GLP2R: variants seen among roughly 807,000 people sequenced by gnomAD.
The protein encoded by GLP2R is glucagon-like peptide 2 receptor.
A neutral mutation model predicts 68.2 loss-of-function variants in GLP2R; 59 were observed. The ratio of observed to expected loss-of-function variants is 0.87; its 90% CI spans 0.70 to 1.07. GLP2R has a LOEUF of 1.07. GLP2R is among the 50% of genes least tolerant of loss of function. The probability of loss-of-function intolerance (pLI) is 0.00; values close to 1 mark genes in which losing one functional copy is unlikely to be tolerated. For synonymous variants in GLP2R, 270 were observed against 265.4 expected, an observed-to-expected ratio of 1.02 and a Z score of -0.17; for missense variants, 548 against 677.4, an observed-to-expected ratio of 0.81 and a Z score of 2.12.
rs2152030245 is a variant in GLP2R, at chr17:9,833,803, T to C, written c.190-4T>C. ...TGGGGGTGACCATGTTTTTGTTTGCTCAGGTTACAGGATCCCTCCTTGAGG... is the reference window on the plus strand; with the variant it reads ...TGGGGGTGACCATGTTTTTGTTTGCCCAGGTTACAGGATCCCTCCTTGAGG... On this transcript the variant is annotated splice_polypyrimidine_tract_variant and splice_region_variant and intron_variant, in intron 1 of 12. Transcript: ENST00000262441. The C allele has an allele frequency of 6.3e-7, 1 of 1,598,120 alleles. No homozygotes were observed. Among genetic ancestry groups the C allele is most frequent in the Non-Finnish European group, 8.6e-7 (1 of 1,168,254 alleles).
chr17:9,885,731 T>C (rs553597681), intron 11 of GLP2R, among the ~76,000 whole-genome samples: 2 of 139,044 alleles, frequency 1.4e-5, no homozygotes, highest in African/African-American at 5.3e-5. Flanking sequence ...TTTTACGACA[T>C]TGTATCAGTA....
At chr17:9,878,812 C>T (rs555003552) in intron 10 of GLP2R, among the ~76,000 whole-genome samples, 1 of 152,176 alleles carries the variant, frequency 6.6e-6, no homozygotes, top group Non-Finnish European at 1.5e-5. Flanking sequence ...CAGAGTTAAA[C>T]CTTCCTTAAG....
At position 9,842,562 on chromosome 17, in the gene GLP2R, G is replaced by T. The variant is rs772562182; in HGVS notation, c.450G>T (p.Thr150=). 3.7e-6 allele frequency: 6 copies of T among 1,613,882 alleles called. No homozygotes were observed. Among genetic ancestry groups the T allele is most frequent in the Non-Finnish European group, 5.1e-6 (6 of 1,179,974 alleles). Residue 150 remains threonine (T), a synonymous_variant, in exon 4 of 13, where the codon ACG becomes ACT. Coordinates refer to ENST00000262441, the MANE Select transcript of GLP2R (RefSeq NM_004246.3). ...QGTWQTIENA[T]DIWQDDSECS... ...CTTGGCAGACGATAGAGAACGCCAC[G>T]GATATTTGGCAGGATGACTCCGAAT...
intron 2 of GLP2R, among the ~76,000 whole-genome samples, chr17:9,835,601 C>T (rs765360678): frequency 5.3e-5 from 8 of 152,016 alleles, no homozygotes; most frequent in South Asian, 2.1e-4. Flanking sequence ...CTCCGTATTC[C>T]GCTGGTCGTT....
chr17:9,826,111 A>T lies in GLP2R; in HGVS notation c.48A>T (p.Gly16=), dbSNP rs2066624514. The T allele has an allele frequency of 6.2e-7, 1 of 1,612,214 alleles. No homozygotes were observed. Among genetic ancestry groups the T allele is most frequent in the Admixed American group, 1.7e-5 (1 of 59,786 alleles). The change falls in exon 1 of 13, where the codon GGA becomes GGT. Residue 16 remains glycine, a synonymous_variant. Coordinates refer to ENST00000262441, the MANE Select transcript of GLP2R (RefSeq NM_004246.3). The part of the protein sequence containing the change: ...SRAGPGRGSA[G]LLPGVHELPM... Reference sequence around the variant, plus strand: ...CAGGGCCTGGGAGAGGAAGCGCGGGACTCCTGCCTGGCGTCCACGAGCTGC... The same window carrying T: ...CAGGGCCTGGGAGAGGAAGCGCGGGTCTCCTGCCTGGCGTCCACGAGCTGC...
At chr17:9,865,320 G>T (rs57450717) in intron 9 of GLP2R, among the ~76,000 whole-genome samples, 1,820 of 151,886 alleles carry the variant, frequency 0.012, 30 homozygotes, top group African/African-American at 0.038. Flanking sequence ...GATTTTGTGT[G>T]TGTGTGTGTG....
At chr17:9,854,363 A>T in intron 4 of GLP2R, 132 bp from the exon 5 acceptor site, 1 of 686,550 alleles carries the variant, frequency 1.5e-6, no homozygotes, top group Admixed American at 2.2e-5. Flanking sequence ...GTCAACAAGG[A>T]TGGGGAAGGA....
chr17:9,870,169 G>A (rs1657157966), intron 9 of GLP2R, among the ~76,000 whole-genome samples: 1 of 152,112 alleles, frequency 6.6e-6, no homozygotes, highest in African/African-American at 2.4e-5. Flanking sequence ...TTTAATTACA[G>A]GCTTAATCAC....
chr17:9,883,831 C>T (rs2067217994), intron 11 of GLP2R, among the ~76,000 whole-genome samples: 1 of 152,028 alleles, frequency 6.6e-6, no homozygotes, highest in Admixed American at 6.6e-5. Flanking sequence ...TCATTATTGG[C>T]AAACACCCCT....
intron 6 of GLP2R, 53 bp from the exon 7 acceptor site, chr17:9,859,889 G>A: frequency 1.5e-6 from 2 of 1,370,418 alleles, no homozygotes; most frequent in African/African-American, 3.0e-5. Context: ...CCCCGACTCG[G>A]GATCAGATGC....
intron 1 of GLP2R, among the ~76,000 whole-genome samples, chr17:9,828,508 TATC>T (rs1004414789): frequency 4.9e-4 from 74 of 152,366 alleles, no homozygotes; most frequent in African/African-American, 1.3e-3. Context: ...CTCAGGATAT[TATC>T]ATAAAATGCT....
intron 9 of GLP2R, among the ~76,000 whole-genome samples, chr17:9,869,979 C>T (rs1371231570): frequency 1.3e-5 from 2 of 152,160 alleles, no homozygotes; most frequent in East Asian, 3.9e-4. Flanking sequence ...GCTGGATTTT[C>T]CCAGTCCATG....
chr17:9,837,757 C>T (rs1425183695), intron 3 of GLP2R, among the ~76,000 whole-genome samples: 2 of 152,128 alleles, frequency 1.3e-5, no homozygotes, highest in African/African-American at 2.4e-5. Flanking sequence ...GGTTAGATTC[C>T]TGTTGCCTTT....
intron 10 of GLP2R, among the ~76,000 whole-genome samples, chr17:9,874,495 T>C (rs2067126989): frequency 6.6e-6 from 1 of 150,794 alleles, no homozygotes; most frequent in African/African-American, 2.5e-5. Flanking sequence ...CCTTTTTCTT[T>C]AATAATAATA....
At chr17:9,849,769 C>T (rs1013247278) in intron 4 of GLP2R, among the ~76,000 whole-genome samples, 1 of 151,896 alleles carries the variant, frequency 6.6e-6, no homozygotes, top group Non-Finnish European at 1.5e-5. Flanking sequence ...CCCGCCACCA[C>T]GCTCGGCTAA....
At chr17:9,836,635 A>G (rs1406246204) in intron 3 of GLP2R, among the ~76,000 whole-genome samples, 160 bp downstream of exon 3, 1 of 151,712 alleles carries the variant, frequency 6.6e-6, no homozygotes, top group Non-Finnish European at 1.5e-5. Flanking sequence ...GTATGTATAT[A>G]TTTATTTTTA....
At chr17:9,850,572 C>T (rs1424900568) in intron 4 of GLP2R, among the ~76,000 whole-genome samples, 1 of 152,156 alleles carries the variant, frequency 6.6e-6, no homozygotes, top group Non-Finnish European at 1.5e-5. Flanking sequence ...TTAGTTGACT[C>T]TGAGGATTCC....
At chr17:9,862,140 G>T (rs930147236) in intron 9 of GLP2R, 50 bp downstream of exon 9, 21 of 1,374,078 alleles carry the variant, frequency 1.5e-5, no homozygotes, top group Non-Finnish European at 2.0e-5. Context: ...GCAGCTGTGG[G>T]GAATCCCCCC....
intron 4 of GLP2R, among the ~76,000 whole-genome samples, chr17:9,843,864 G>C (rs1597381908): frequency 1.3e-5 from 2 of 152,328 alleles, no homozygotes; most frequent in Middle Eastern, 6.8e-3. Context: ...TTTGCACCAG[G>C]CACTGGGAAT....
Sources: allele counts gnomAD v4.1 joint callset (sites outside exome capture counted in the v4.1 genomes callset), GRCh38; gene constraint gnomAD v4.1.1; transcripts MANE v1.5; gene names NCBI Gene and HGNC (gene_info 2026-07-23, HGNC 2026-07-21).